DNAH10: variants seen among roughly 807,000 people sequenced by gnomAD.
DNAH10 encodes the protein axonemal beta dynein heavy chain 10.
Under a neutral mutation model 506.6 loss-of-function variants are expected in DNAH10, and 348 were observed. The ratio of observed to expected loss-of-function variants is 0.69; its 90% CI spans 0.63 to 0.75. The LOEUF (loss-of-function observed/expected upper bound fraction) is 0.75. DNAH10 is among the 30% of genes least tolerant of loss of function. The pLI, the probability that DNAH10 is intolerant of heterozygous loss-of-function variation, is 0.00. For missense variants in DNAH10, 5,179 were observed against 5,787.1 expected, an observed-to-expected ratio of 0.89 and a Z score of 3.41; for synonymous variants, 2,059 against 2,198.6, an observed-to-expected ratio of 0.94 and a Z score of 1.78.
chr12:123,890,566 G>A (rs1159290884), intron 52 of DNAH10, among the ~76,000 whole-genome samples: 9 of 152,026 alleles, frequency 5.9e-5, no homozygotes, highest in Non-Finnish European at 1.0e-4. Context: ...GATTACAGGC[G>A]TGAGCCACTG....
At chr12:123,930,733 G>A (rs1381629453) in intron 73 of DNAH10, among the ~76,000 whole-genome samples, 160 bp downstream of exon 73, 1 of 152,170 alleles carries the variant, frequency 6.6e-6, no homozygotes, top group African/African-American at 2.4e-5. Flanking sequence ...CTGCAGAGCT[G>A]ACTGATAGAG....
In DNAH10 at chr12:123,879,328, C is replaced by A; in HGVS notation, c.8437C>A (p.Arg2813=). The change falls in exon 49 of 79, where the codon CGG becomes AGG. Residue 2813 remains arginine (R), a synonymous_variant. Transcript: ENST00000673944. The stretch of plus-strand genomic sequence containing the variant: ...TGAGTGTCTGAGAGTCTTCCACGAC[C>A]GGCTGATCAGTGAAACAGACAAGCA... The part of the protein sequence containing the change: ...RNECLRVFHD[R]LISETDKQLV... 1.3e-6 allele frequency: 2 copies of A among 1,574,054 alleles called. No individual in the cohort carries two copies. The highest frequency in any genetic ancestry group is 2.3e-5 in the East Asian group (1 of 42,842).
At chr12:123,793,130 T>A (rs1471639199) in intron 11 of DNAH10, among the ~76,000 whole-genome samples, 1 of 151,804 alleles carries the variant, frequency 6.6e-6, no homozygotes, top group African/African-American at 2.4e-5. Flanking sequence ...GGAGTGGGGG[T>A]GGGAGGGATT....
chr12:123,814,726 TGCCTCA>T (rs886991096), intron 21 of DNAH10, among the ~76,000 whole-genome samples: 8 of 150,844 alleles, frequency 5.3e-5, no homozygotes, highest in Non-Finnish European at 1.0e-4. Flanking sequence ...GCCATTCTCC[TGCCTCA>T]GCCTCCCGAG....
rs1336780868 is a variant in DNAH10, at chr12:123,867,406, C to CATTTAAATAA, written c.7168-60_7168-59insTTTAAATAAA. ...CCCTCTTTGGGCAAGAAAAGCTTTCCACTAACTTCCATTTAAATAAACAAA... is the reference window on the plus strand; with the variant it reads ...CCCTCTTTGGGCAAGAAAAGCTTTCCATTTAAATAAACTAACTTCCATTTAAATAAACAAA... On this transcript the variant is annotated intron_variant, in intron 41 of 78. Transcript: ENST00000673944. The CATTTAAATAA allele has an allele frequency of 3.2e-6, 5 of 1,547,090 alleles. No homozygotes were observed. The African/African-American group carries it at 6.8e-5, about 21-fold the overall frequency.
At chr12:123,875,519 A>G (rs1361367556) in intron 47 of DNAH10, 28 bp downstream of exon 47, 2 of 1,611,078 alleles carry the variant, frequency 1.2e-6, no homozygotes, top group African/African-American at 1.3e-5. Context: ...AGAAGTCTAA[A>G]CCGGAAGACC....
chr12:123,928,379 C>CGG lies in DNAH10; in HGVS notation c.12106-7_12106-6dup, dbSNP rs759891563. ...AACCCCTCTCCTCTTCCCTCTCCCC[C>CGG]GGCGCAGGTGGCCCTGCAGCTGCTG... On this transcript the variant is annotated splice_region_variant and splice_polypyrimidine_tract_variant and intron_variant, in intron 69 of 78. Transcript: ENST00000673944. This position sits in a 1 kb window ranked among gnomAD's most constrained non-coding sequence, Gnocchi z 4.9. 3.8e-6 allele frequency: 6 copies of CGG among 1,581,592 alleles called. No homozygotes were observed. Among genetic ancestry groups the CGG allele is most frequent in the Non-Finnish European group, 5.2e-6 (6 of 1,164,420 alleles).
In DNAH10 at chr12:123,833,182, A is replaced by C. The variant is rs759880079; in HGVS notation, c.4614A>C (p.Thr1538=). The change falls in exon 27 of 79, where the codon ACA becomes ACC. Residue 1538 remains threonine (T), a synonymous_variant. Coordinates refer to ENST00000673944, the MANE Select transcript of DNAH10 (RefSeq NM_001372106.1). Reference sequence around the variant, plus strand: ...CTGTAGTCAAGTATTGCAAAGGCACACAGGAGCGAGGCTACATCCTGGGTT... The same window carrying C: ...CTGTAGTCAAGTATTGCAAAGGCACCCAGGAGCGAGGCTACATCCTGGGTT... ...KFTVVKYCKG[T]QERGYILGSV... is the part of the protein sequence containing the mutation. 1 of 1,613,502 alleles carries C rather than the reference A, an allele frequency of 6.2e-7. No individual in the cohort carries two copies. The highest frequency in any genetic ancestry group is 2.2e-5 in the East Asian group (1 of 44,892).
intron 1 of DNAH10, among the ~76,000 whole-genome samples, chr12:123,763,787 T>C (rs1956917988): frequency 6.6e-6 from 1 of 151,876 alleles, no homozygotes; most frequent in South Asian, 2.1e-4. Flanking sequence ...GGTCTCAAAC[T>C]ACTGAGGTCA....
Position 123,853,881 on chromosome 12 carries a change from C to T in DNAH10, c.6438+529C>T, listed in dbSNP as rs1951277117. On this transcript the variant is annotated intron_variant, in intron 36 of 78. Transcript: ENST00000673944. This position sits in a 1 kb window ranked among gnomAD's most constrained non-coding sequence, Gnocchi z 4.7. ...ACGCGCACACACACACGGATACATG[C>T]ACGCGCACACACGTACGCACGCACA... Among the ~76,000 whole-genome samples the T allele has an allele frequency of 6.7e-6, 1 of 149,246 alleles. No homozygotes were observed. The highest frequency in any genetic ancestry group is 2.5e-5 in the African/African-American group (1 of 40,454).
In DNAH10 at chr12:123,929,340, C is replaced by T. The variant is rs760804059; in HGVS notation, c.12372C>T (p.His4124=). 38 of 1,608,984 alleles carry T rather than the reference C, an allele frequency of 2.4e-5. No individual in the cohort carries two copies. In the East Asian group the frequency reaches 2.5e-4, roughly 10 times the overall value. The change falls in exon 71 of 79, where the codon CAC becomes CAT. Residue 4124 remains histidine (H), a synonymous_variant. Transcript: ENST00000673944. ...GGGCAACTTACTTCAAGATCTCTCA[C>T]GAAATGCTGGACCAGTGCCCGCACC... is the stretch of plus-strand genomic sequence containing the variant. ...NMRATYFKIS[H]EMLDQCPHPA...
chr12:123,778,940 C>T (rs1220087531), intron 5 of DNAH10, among the ~76,000 whole-genome samples: 1 of 151,538 alleles, frequency 6.6e-6, no homozygotes, highest in Non-Finnish European at 1.5e-5. Context: ...CACTGTGTCG[C>T]CCAGTCTGGA....
In DNAH10 at chr12:123,842,370, C is replaced by T. The variant is rs1950804662; in HGVS notation, c.5360+825C>T. ...ATATCATGCTGAGCCCTGCCTGCTC[C>T]TAGCAGCTGAGTGCAGTCCAACTAG... On this transcript the variant is annotated intron_variant, in intron 30 of 78. Coordinates refer to ENST00000673944, the MANE Select transcript of DNAH10 (RefSeq NM_001372106.1). Among the ~76,000 whole-genome samples the T allele has an allele frequency of 2.6e-5, 4 of 152,374 alleles. No homozygotes were observed. The South Asian group carries it at 8.3e-4, about 32-fold the overall frequency.
At position 123,846,060 on chromosome 12, in the gene DNAH10, C is replaced by G; in HGVS notation, c.5720C>G (p.Thr1907Arg). The G allele has an allele frequency of 1.2e-6, 2 of 1,613,992 alleles. No individual in the cohort carries two copies. Among genetic ancestry groups the G allele is most frequent in the Non-Finnish European group, 1.7e-6 (2 of 1,179,882 alleles). The change falls in exon 32 of 79, where the codon ACG (threonine) becomes AGG (arginine). Residue 1907 changes from threonine (T) to arginine (R), a missense_variant. Thr to Arg is a moderately conservative substitution (Grantham distance 71, BLOSUM62 -1). Coordinates refer to ENST00000673944, the MANE Select transcript of DNAH10 (RefSeq NM_001372106.1). The surrounding 1 kb of genome is among the most constrained non-coding windows in gnomAD (Gnocchi z 4.5). ...EPDELNIRQCTGTFGYGYEYM... is the reference protein window; with the variant it reads ...EPDELNIRQCRGTFGYGYEYM... ...GATGAGCTGAACATCCGCCAGTGCA[C>G]GGGAACCTTTGGCTACGGCTACGAG...
At chr12:123,868,700 T>C (rs566077901) in intron 43 of DNAH10, among the ~76,000 whole-genome samples, 2 of 152,366 alleles carry the variant, frequency 1.3e-5, no homozygotes, top group South Asian at 2.1e-4. Flanking sequence ...CCATCTCTTA[T>C]TGCTATTCGA....
rs755137882 is a variant in DNAH10 at position 123,887,286 on chromosome 12, G to A, written c.8968G>A (p.Glu2990Lys). The change falls in exon 52 of 79, where the codon GAG becomes AAG. Residue 2990 changes from glutamate to lysine, a missense_variant. Glu to Lys is a moderately conservative substitution (Grantham distance 56, BLOSUM62 1). Coordinates refer to ENST00000673944, the MANE Select transcript of DNAH10 (RefSeq NM_001372106.1). ...CCATGTGGCTGAGGAGGGCTTCCTG[G>A]AGCTCATCAACAACATGCTGACCTC... ...DAHVAEEGFL[E>K]LINNMLTSGI... The A allele has an allele frequency of 6.2e-7, 1 of 1,613,818 alleles. No homozygotes were observed.
intron 54 of DNAH10, 27 bp from the exon 55 acceptor site, chr12:123,897,743 A>G: frequency 6.3e-7 from 1 of 1,588,370 alleles, no homozygotes; most frequent in Non-Finnish European, 8.5e-7. Flanking sequence ...AAAAGAAAGA[A>G]AACATTTTTT....
At chr12:123,890,055 A>G (rs569451828) in intron 52 of DNAH10, among the ~76,000 whole-genome samples, 1 of 152,280 alleles carries the variant, frequency 6.6e-6, no homozygotes, top group East Asian at 1.9e-4. Context: ...CGTCACATCC[A>G]CAGAGTCCTT....
chr12:123,833,066 T>A, intron 26 of DNAH10, 48 bp from the exon 27 acceptor site: 1 of 1,473,014 alleles, frequency 6.8e-7, no homozygotes, highest in East Asian at 2.4e-5. Flanking sequence ...TGGGGCTCGG[T>A]CCTTTCAGTT....
Sources: allele counts gnomAD v4.1 joint callset (sites outside exome capture counted in the v4.1 genomes callset), GRCh38; gene constraint gnomAD v4.1.1; non-coding constraint Gnocchi (gnomAD v3.1); transcripts MANE v1.5; gene names NCBI Gene and HGNC (gene_info 2026-07-23, HGNC 2026-07-21).